The following RBSN variants were observed in gnomAD, a reference collection of about 807,000 sequenced individuals.
RBSN encodes rabenosyn-5.
RBSN carries 34 observed loss-of-function variants against 60.5 expected under a neutral mutation model. The observed-to-expected ratio is 0.56, with a 90% CI of 0.43 to 0.75. RBSN has a LOEUF of 0.75. RBSN is among the 30% of genes least tolerant of loss of function. RBSN has a pLI of 0.00. For missense variants in RBSN, 845 were observed against 986.8 expected (o/e 0.86, Z 1.92); for synonymous variants, 322 against 366.9 (o/e 0.88, Z 1.40).
intron 12 of RBSN, among the ~76,000 whole-genome samples, chr3:15,076,308 A>G (rs1310040784): frequency 6.6e-6 from 1 of 152,134 alleles, no homozygotes; most frequent in Non-Finnish European, 1.5e-5. Flanking sequence ...TGTCTATTAG[A>G]TCTCTTTGTT....
In RBSN at chr3:15,074,473, C is replaced by T. The variant is rs761171042; in HGVS notation, c.1664G>A (p.Gly555Asp). Residue 555 changes from glycine to aspartate, a missense_variant, in exon 14 of 14, where the codon GGC (glycine) becomes GAC (aspartate). Transcript: ENST00000253699. The surrounding 1 kb of genome is among the most constrained non-coding windows in gnomAD (Gnocchi z 6.4). ...RTRSLDFREI[G>D]PFQLEPSREP... ...TCTGCTGGGCTCCAGCTGAAAAGGG[C>T]CGATTTCTCTGAAGTCCAGGGACCG... 7.2e-5 allele frequency: 116 copies of T among 1,614,104 alleles called. No individual in the cohort carries two copies. Among genetic ancestry groups the T allele is most frequent in the Non-Finnish European group, 9.3e-5 (110 of 1,180,056 alleles).
intron 13 of RBSN, chr3:15,075,257 C>A: frequency 1.7e-6 from 1 of 591,132 alleles, no homozygotes; most frequent in Non-Finnish European, 3.1e-6. Context: ...GCGTTAAATA[C>A]ACATATAATT....
chr3:15,085,116 A>G, intron 6 of RBSN, 71 bp from the exon 7 acceptor site: 2 of 1,544,022 alleles, frequency 1.3e-6, no homozygotes, highest in East Asian at 4.5e-5. Context: ...TTTCCAATAC[A>G]TCAAGTGGGA....
At chr3:15,091,570 A>C in intron 4 of RBSN, 4 of 1,148,112 alleles carry the variant, frequency 3.5e-6, no homozygotes, top group Non-Finnish European at 4.6e-6. Flanking sequence ...CATCGTATGT[A>C]CCAGGTACAA....
At chr3:15,076,964 A>G (rs535136720) in intron 12 of RBSN, 98 bp downstream of exon 12, 1 of 930,902 alleles carries the variant, frequency 1.1e-6, no homozygotes, top group Non-Finnish European at 1.7e-6. Flanking sequence ...ATGTATAAAT[A>G]GGAAGTAAAC....
In RBSN at chr3:15,084,981, A is replaced by G. The variant is rs759885475; in HGVS notation, c.436+19T>C. 3 of 1,614,208 alleles carry G rather than the reference A, an allele frequency of 1.9e-6. No homozygotes were observed. Among genetic ancestry groups the G allele is most frequent in the Admixed American group, 3.3e-5 (2 of 60,032 alleles). On this transcript the variant is annotated intron_variant, in intron 7 of 13. Coordinates refer to ENST00000253699, the MANE Select transcript of RBSN (RefSeq NM_022340.4). This position sits in a 1 kb window ranked among gnomAD's most constrained non-coding sequence, Gnocchi z 4.2. ...AAAAAAAGATAATAAGATGAATGTG[A>G]GCAAAGTTTTAAAGTTACCTCGAAT...
At chr3:15,081,556 T>A (rs1684344077) in intron 9 of RBSN, 1 of 152,348 alleles carries the variant, frequency 6.6e-6, no homozygotes. Context: ...ATTGACACCA[T>A]TTCTAGTAGC....
intron 5 of RBSN, among the ~76,000 whole-genome samples, chr3:15,089,532 A>G (rs2043450161): frequency 6.7e-6 from 1 of 150,254 alleles, no homozygotes; most frequent in African/African-American, 2.4e-5. Context: ...TGTGACTGGC[A>G]TGATAAATAG....
rs1024005419 is a variant in RBSN at position 15,073,302 on chromosome 3, G to C, written c.*480C>G. On this transcript the variant is annotated 3_prime_UTR_variant, in exon 14 of 14. Coordinates refer to ENST00000253699, the MANE Select transcript of RBSN (RefSeq NM_022340.4). ...GCCTACTAGGGATGGACTTCTGTCA[G>C]AGCAGAATAGAGCTCAGTGGAATCT... 3 of 156,680 alleles carry C rather than the reference G, an allele frequency of 1.9e-5. No homozygotes were observed. The highest frequency in any genetic ancestry group is 7.2e-5 in the African/African-American group (3 of 41,444). 9.7% of individuals were successfully genotyped at this position (156,680 alleles called of 1,614,324 possible).
intron 4 of RBSN, among the ~76,000 whole-genome samples, chr3:15,090,779 T>C (rs1000696928): frequency 3.9e-5 from 6 of 152,184 alleles, no homozygotes; most frequent in Admixed American, 6.6e-5. Context: ...GGCCAACATA[T>C]GGGCTAAATT....
At chr3:15,088,889 G>A (rs1286003070) in intron 5 of RBSN, among the ~76,000 whole-genome samples, 1 of 152,154 alleles carries the variant, frequency 6.6e-6, no homozygotes, top group Non-Finnish European at 1.5e-5. Context: ...CAGCACAGTT[G>A]TAGGACTTTC....
At chr3:15,091,505 C>G (rs2043516272) in intron 4 of RBSN, 1 of 1,285,464 alleles carries the variant, frequency 7.8e-7, no homozygotes, top group Non-Finnish European at 1.0e-6. Context: ...TACAACATAA[C>G]ACAAACAGAA....
rs776196157 is a variant in RBSN at position 15,074,704 on chromosome 3, C to T, written c.1433G>A (p.Arg478His). ...CTGCAGAGTGCGCACTTCATCCATG[C>T]GGCCCGCGGCCTTGGCCTGCCTGAT... ...SFIRQAKAAG[R>H]MDEVRTLQEN... The change falls in exon 14 of 14, where the codon CGC becomes CAC. Residue 478 changes from arginine to histidine, a missense_variant. Arg to His is a conservative substitution (Grantham distance 29). Coordinates refer to ENST00000253699, the MANE Select transcript of RBSN (RefSeq NM_022340.4). The surrounding 1 kb of genome is among the most constrained non-coding windows in gnomAD (Gnocchi z 6.4). The T allele has an allele frequency of 2.2e-5, 36 of 1,614,148 alleles. No individual in the cohort carries two copies. The highest frequency in any genetic ancestry group is 2.0e-4 in the South Asian group (18 of 91,090).
chr3:15,080,262 A>G (rs2043170401), intron 10 of RBSN, among the ~76,000 whole-genome samples: 2 of 151,376 alleles, frequency 1.3e-5, no homozygotes, highest in Non-Finnish European at 2.9e-5. Context: ...AAAAAAAAAA[A>G]GCAGATGTCA....
intron 10 of RBSN, among the ~76,000 whole-genome samples, chr3:15,080,099 G>A (rs530556983): frequency 1.0e-3 from 156 of 152,220 alleles, no homozygotes; most frequent in Non-Finnish European, 1.5e-3. Flanking sequence ...AAAAAAATTA[G>A]CTGAGCGTGG....
chr3:15,075,130 A>T, intron 13 of RBSN, 200 bp from the exon 14 acceptor site: 1 of 640,230 alleles, frequency 1.6e-6, no homozygotes. Context: ...ATTTTCAAAA[A>T]TAAAATATAA....
Position 15,074,271 on chromosome 3 carries a change from C to G in RBSN, c.1866G>C (p.Gly622=), listed in dbSNP as rs761051401. 2.5e-6 allele frequency: 4 copies of G among 1,613,030 alleles called. No homozygotes were observed. Among genetic ancestry groups the G allele is most frequent in the South Asian group, 1.1e-5 (1 of 90,938 alleles). ...CCTCATCAAAGGGGTTTAAGGAGGG[C>G]CCCTCATGTTGCTGTGGCATGCTGC... is the stretch of plus-strand genomic sequence containing the variant. ...PQSSMPQQHE[G]PSLNPFDEED... Residue 622 remains glycine, a synonymous_variant, in exon 14 of 14, where the codon GGG becomes GGC. Coordinates refer to ENST00000253699, the MANE Select transcript of RBSN (RefSeq NM_022340.4). The surrounding 1 kb of genome is among the most constrained non-coding windows in gnomAD (Gnocchi z 6.4).
At position 15,096,191 on chromosome 3, in the gene RBSN, A is replaced by G; in HGVS notation, c.-71T>C. On this transcript the variant is annotated 5_prime_UTR_variant, in exon 4 of 14. Coordinates refer to ENST00000253699, the MANE Select transcript of RBSN (RefSeq NM_022340.4). ...GAGTCAGCTTGATTCCTCCCAAGGA[A>G]CCATGGTTCCCGCAGCATTAGCTTA... 1 of 1,487,016 alleles carries G rather than the reference A, an allele frequency of 6.7e-7. No homozygotes were observed. The allele number at this position is 1,487,016 out of a possible 1,614,324, so 92.1% of individuals were successfully genotyped here. A position where few individuals can be genotyped will look rare whatever the true frequency, so the allele number is the denominator to read the frequency against.
intron 5 of RBSN, among the ~76,000 whole-genome samples, chr3:15,089,376 A>AG (rs72286673): frequency 0.3 from 43,479 of 145,500 alleles, 6,539 homozygotes; most frequent in Middle Eastern, 0.34. Context: ...CTGAAGTGAG[A>AG]GATCACTTGA....
Sources: allele counts gnomAD v4.1 joint callset (sites outside exome capture counted in the v4.1 genomes callset), GRCh38; gene constraint gnomAD v4.1.1; non-coding constraint Gnocchi (gnomAD v3.1); transcripts MANE v1.5; gene names NCBI Gene and HGNC (gene_info 2026-07-23, HGNC 2026-07-21).